The following GLIS3 variants were observed in gnomAD, a reference collection of about 807,000 sequenced individuals.
GLIS3 encodes the protein GLIS family zinc finger 3, also known as zinc finger protein GLIS3.
Under a neutral mutation model 78.6 loss-of-function variants are expected in GLIS3, and 53 were observed. That is an observed-to-expected ratio of 0.67 (90% CI 0.54 to 0.85). The LOEUF (loss-of-function observed/expected upper bound fraction) is 0.85. Ranked by LOEUF, GLIS3 falls within the 40% of genes least tolerant of loss-of-function variation. The probability of loss-of-function intolerance (pLI) is 0.00; values close to 1 mark genes in which losing one functional copy is unlikely to be tolerated. For synonymous variants in GLIS3, 684 were observed against 509.9 expected, an observed-to-expected ratio of 1.34 and a Z score of -4.60; for missense variants, 1,703 against 1,231.1, an observed-to-expected ratio of 1.38 and a Z score of -5.74.
chr9:4,391,167 AGGTC>A, the GLIS3 span, among the ~76,000 whole-genome samples: 1 of 152,088 alleles, frequency 6.6e-6, no homozygotes, highest in African/African-American at 2.4e-5. Flanking sequence ...CTTTACCTGG[AGGTC>A]AGTGAGGCTT....
intron 6 of GLIS3, among the ~76,000 whole-genome samples, chr9:3,904,527 A>G (rs1232733324): frequency 6.6e-6 from 1 of 152,150 alleles, no homozygotes; most frequent in Non-Finnish European, 1.5e-5. Flanking sequence ...TTTTCTGGAG[A>G]ACCCTGACTG....
chr9:3,999,877 T>C (rs537881732), intron 4 of GLIS3, among the ~76,000 whole-genome samples: 1 of 152,150 alleles, frequency 6.6e-6, no homozygotes, highest in African/African-American at 2.4e-5. Context: ...AATTACGCAA[T>C]GCAACATTTA....
In GLIS3 at chr9:3,829,188, G is replaced by A. The variant is rs16919730; in HGVS notation, c.2656+122C>T. Reference sequence around the variant, plus strand: ...GGAGATGAGAGCCATTTCAGGGGTCGTTCAACAGGATTTGATGCGGTCATG... The same window carrying A: ...GGAGATGAGAGCCATTTCAGGGGTCATTCAACAGGATTTGATGCGGTCATG... On this transcript the variant is annotated intron_variant, in intron 10 of 10. Transcript: ENST00000381971. 0.14 allele frequency: 113,444 copies of A among 816,130 alleles called. 8,343 individuals are homozygous for A. The highest frequency in any genetic ancestry group is 0.24 in the Middle Eastern group (985 of 4,090). 50.6% of individuals were successfully genotyped at this position (816,130 alleles called of 1,614,324 possible).
At chr9:4,390,983 A>T in the GLIS3 span, among the ~76,000 whole-genome samples, 1 of 152,220 alleles carries the variant, frequency 6.6e-6, no homozygotes, top group East Asian at 1.9e-4. Flanking sequence ...TATCTCCACA[A>T]AGGCTTGCTT....
At chr9:4,015,253 T>C (rs1822341765) in intron 4 of GLIS3, among the ~76,000 whole-genome samples, 1 of 152,116 alleles carries the variant, frequency 6.6e-6, no homozygotes, top group Admixed American at 6.6e-5. Flanking sequence ...GGGGATAAAT[T>C]GGTAGCATTA....
Position 4,230,885 on chromosome 9 carries a change from T to C in GLIS3, c.388+55153A>G, listed in dbSNP as rs138936346. Among the ~76,000 whole-genome samples the C allele has an allele frequency of 6.6e-5, 10 of 152,306 alleles. No homozygotes were observed. In the East Asian group the frequency reaches 1.5e-3, roughly 24 times the overall value. On this transcript the variant is annotated intron_variant, in intron 2 of 10. Transcript: ENST00000381971. Reference sequence around the variant, plus strand: ...TTCAGCCCACATGAAATTAATTTCATAGAACAGTCATACAAAGACTTTAAA... The same window carrying C: ...TTCAGCCCACATGAAATTAATTTCACAGAACAGTCATACAAAGACTTTAAA...
At chr9:4,416,301 T>G in the GLIS3 span, among the ~76,000 whole-genome samples, 1 of 146,704 alleles carries the variant, frequency 6.8e-6, no homozygotes, top group Non-Finnish European at 1.5e-5. Context: ...GATCTTAATA[T>G]TCAATGGAAA....
chr9:4,042,405 C>T (rs545727537), intron 4 of GLIS3, among the ~76,000 whole-genome samples: 2 of 152,324 alleles, frequency 1.3e-5, no homozygotes, highest in East Asian at 3.9e-4. Flanking sequence ...AGAGCTGCTT[C>T]CGGTTAACCC....
chr9:4,052,095 A>G (rs192087443), intron 4 of GLIS3, among the ~76,000 whole-genome samples: 71 of 152,324 alleles, frequency 4.7e-4, no homozygotes, highest in African/African-American at 1.7e-3. Context: ...TGCACACCTG[A>G]ATATTTGCAT....
At position 4,027,487 on chromosome 9, in the gene GLIS3, C is replaced by G. The variant is rs374134943; in HGVS notation, c.1710+90281G>C. On this transcript the variant is annotated intron_variant, in intron 4 of 10. Transcript: ENST00000381971. ...TAAAATTAGACATATTCACTCCCCC[C>G]ACCTCATCTAGGTTTGAGGCTCTTT... Among the ~76,000 whole-genome samples the G allele has an allele frequency of 5.3e-5, 8 of 152,288 alleles. No homozygotes were observed. The South Asian group carries it at 1.7e-3, about 32-fold the overall frequency.
At chr9:4,339,449 A>G (rs2130580910) in intron 2 of GLIS3, among the ~76,000 whole-genome samples, 1 of 152,228 alleles carries the variant, frequency 6.6e-6, no homozygotes, top group South Asian at 2.1e-4. Context: ...TGACATTTAT[A>G]TAGACGTTCA....
chr9:4,370,479 G>C, the GLIS3 span, among the ~76,000 whole-genome samples: 2 of 152,056 alleles, frequency 1.3e-5, no homozygotes, highest in East Asian at 3.9e-4. Flanking sequence ...ATCTCCTTAA[G>C]TTTGGTTCCT....
intron 2 of GLIS3, among the ~76,000 whole-genome samples, chr9:4,338,491 T>C (rs558621314): frequency 1.3e-5 from 2 of 152,188 alleles, no homozygotes; most frequent in East Asian, 3.9e-4. Flanking sequence ...GTCACCATAC[T>C]AGACAACCTA....
At chr9:4,017,430 G>T (rs996751568) in intron 4 of GLIS3, among the ~76,000 whole-genome samples, 1 of 152,160 alleles carries the variant, frequency 6.6e-6, no homozygotes, top group Non-Finnish European at 1.5e-5. Context: ...ATCTGTGGAA[G>T]CTTGCGTGCA....
At chr9:4,032,020 C>T (rs970103492) in intron 4 of GLIS3, among the ~76,000 whole-genome samples, 2 of 152,070 alleles carry the variant, frequency 1.3e-5, no homozygotes, top group Non-Finnish European at 2.9e-5. Flanking sequence ...CCAGGAGGTC[C>T]TTTTAGCCTA....
chr9:4,471,388 G>C, the GLIS3 span, among the ~76,000 whole-genome samples: 1 of 152,084 alleles, frequency 6.6e-6, no homozygotes, highest in African/African-American at 2.4e-5. Context: ...AAACAGCATG[G>C]TACTGGTACC....
At chr9:4,460,262 A>G in the GLIS3 span, among the ~76,000 whole-genome samples, 3 of 152,222 alleles carry the variant, frequency 2.0e-5, no homozygotes, top group South Asian at 4.1e-4. Context: ...TGACATCTGC[A>G]TGGATCCCCT....
intron 8 of GLIS3, among the ~76,000 whole-genome samples, chr9:3,863,796 A>G (rs959371272): frequency 2.0e-5 from 3 of 152,220 alleles, no homozygotes; most frequent in Non-Finnish European, 4.4e-5. Context: ...AGTCAAAAAA[A>G]CAAACTAATC....
chr9:3,937,797 T>A (rs968818806), intron 4 of GLIS3, among the ~76,000 whole-genome samples: 1 of 152,226 alleles, frequency 6.6e-6, no homozygotes, highest in Non-Finnish European at 1.5e-5. Context: ...GATAAAGTTT[T>A]TAACAGGCTC....
Sources: gnomAD v4.1 joint callset for allele counts (sites outside exome capture counted in the v4.1 genomes callset) on GRCh38, gnomAD v4.1.1 for gene constraint, MANE v1.5 for transcripts, NCBI Gene and HGNC (gene_info 2026-07-23, HGNC 2026-07-21) for gene names.